ARHGAP25: variants seen among roughly 807,000 people sequenced by gnomAD.
ARHGAP25 encodes the protein Rho GTPase activating protein 25.
ARHGAP25 carries 34 observed loss-of-function variants against 71.0 expected under a neutral mutation model. That is an observed-to-expected ratio of 0.48 (90% CI 0.36 to 0.64). ARHGAP25 has a LOEUF of 0.64. ARHGAP25 is among the 30% of genes least tolerant of loss of function. ARHGAP25 has a pLI of 0.00. For synonymous variants in ARHGAP25, 282 were observed against 296.5 expected (o/e 0.95, Z 0.50); for missense variants, 706 against 805.1 (o/e 0.88, Z 1.49).
chr2:68,729,572 A>G (rs573322263), intron 2 of ARHGAP25, among the ~76,000 whole-genome samples: 21 of 152,346 alleles, frequency 1.4e-4, no homozygotes, highest in African/African-American at 4.3e-4. Context: ...TAGTTCCACT[A>G]TTTAATAAAA....
At chr2:68,716,156 G>A (rs1012774272) in intron 2 of ARHGAP25, among the ~76,000 whole-genome samples, 8 of 152,118 alleles carry the variant, frequency 5.3e-5, no homozygotes, top group African/African-American at 7.2e-5. Context: ...TCCTGTGCCC[G>A]CCATTCTTCC....
In ARHGAP25 at chr2:68,816,353, A is replaced by G. The variant is rs775739048; in HGVS notation, c.872A>G (p.Tyr291Cys). 6.2e-7 allele frequency: 1 copy of G among 1,612,874 alleles called. No homozygotes were observed. The highest frequency in any genetic ancestry group is 8.5e-7 in the Non-Finnish European group (1 of 1,178,900). ...LPRDNYSLLS[Y>C]ICRFLHEIQL... ...CGTGACAACTATAGTCTCCTGAGCT[A>G]CATCTGCAGGTGAGAGGCCCCTGGT... Residue 291 changes from tyrosine (Y) to cysteine (C), a missense_variant, in exon 7 of 11, where the codon TAC becomes TGC. Physicochemically the swap from Tyr to Cys is radical, Grantham distance 194 (BLOSUM62 -2). Transcript: ENST00000409202.
At chr2:68,748,112 G>C (rs4396758) in intron 1 of ARHGAP25, among the ~76,000 whole-genome samples, 138,880 of 152,210 alleles carry the variant, frequency 0.91, 63,528 homozygotes, top group African/African-American at 0.95. Flanking sequence ...CTTCCCCTCT[G>C]TCTCCACCCA....
chr2:68,718,071 C>T (rs1674661119), intron 2 of ARHGAP25, among the ~76,000 whole-genome samples: 2 of 151,728 alleles, frequency 1.3e-5, no homozygotes, highest in Admixed American at 6.6e-5. Context: ...GAACACTCAG[C>T]AGCTACTATG....
intron 1 of ARHGAP25, chr2:68,774,945 A>G (rs2104373000): frequency 7.1e-7 from 1 of 1,413,610 alleles, no homozygotes; most frequent in Non-Finnish European, 9.2e-7. Context: ...TTGCAGAATG[A>G]CGGGGCCCGC....
intron 1 of ARHGAP25, among the ~76,000 whole-genome samples, chr2:68,746,709 C>CCG (rs531509898): frequency 6.2e-5 from 9 of 145,852 alleles, no homozygotes; most frequent in Non-Finnish European, 1.0e-4. Context: ...GACCACCCCC[C>CCG]TCCCCATCCC....
chr2:68,730,901 C>T (rs570202749), upstream of ARHGAP25, among the ~76,000 whole-genome samples: 47 of 152,220 alleles, frequency 3.1e-4, 1 homozygote, highest in East Asian at 2.3e-3. Context: ...TCTCATGGGT[C>T]GCCTTTCCTG....
At chr2:68,761,140 A>G (rs1676789797) in intron 1 of ARHGAP25, among the ~76,000 whole-genome samples, 2 of 152,040 alleles carry the variant, frequency 1.3e-5, no homozygotes, top group African/African-American at 2.4e-5. Context: ...TAATGGGGAA[A>G]AGATTGTCTT....
intron 1 of ARHGAP25, among the ~76,000 whole-genome samples, chr2:68,770,480 A>G (rs1219828088): frequency 2.0e-5 from 3 of 152,222 alleles, no homozygotes; most frequent in Non-Finnish European, 4.4e-5. Flanking sequence ...CTGAGTCAGA[A>G]TTGAGAGCAG....
At chr2:68,786,662 A>G (rs1227191262) in intron 3 of ARHGAP25, among the ~76,000 whole-genome samples, 1 of 152,182 alleles carries the variant, frequency 6.6e-6, no homozygotes, top group African/African-American at 2.4e-5. Flanking sequence ...GACAAGATGG[A>G]GTCAGAATCA....
rs551140160 is a variant in ARHGAP25, at chr2:68,794,078, C to T, written c.466+6122C>T. Among the ~76,000 whole-genome samples, 130 of 152,136 alleles carry T rather than the reference C, an allele frequency of 8.5e-4. No individual in the cohort carries two copies. In the Middle Eastern group the frequency reaches 0.014, roughly 16 times the overall value. ...GATTTTGTTTTCAGCTAGATCGTTA[C>T]TGGTGTATAGAAATGCTACTGATTT... On this transcript the variant is annotated intron_variant, in intron 4 of 10. Transcript: ENST00000409202.
In ARHGAP25 at chr2:68,819,140, A is replaced by C. The variant is rs1280376283; in HGVS notation, c.1021A>C (p.Arg341=). 8 of 1,566,464 alleles carry C rather than the reference A, an allele frequency of 5.1e-6. No individual in the cohort carries two copies. The highest frequency in any genetic ancestry group is 1.2e-5 in the South Asian group (1 of 84,186). The change falls in exon 9 of 11, where the codon AGA becomes CGA. Residue 341 remains arginine (R), a synonymous_variant. Transcript: ENST00000409202. The part of the protein sequence containing the change: ...VIMRGTPQIQ[R]VMTMMIRDHE... ...TCTTTCAGGGACTCCTCAGATCCAA[A>C]GAGTGATGACTATGATGATCAGAGA...
At chr2:68,792,269 T>G (rs984199430) in intron 4 of ARHGAP25, among the ~76,000 whole-genome samples, 3 of 152,216 alleles carry the variant, frequency 2.0e-5, no homozygotes, top group African/African-American at 4.8e-5. Context: ...ATTATTATTA[T>G]TAGTATAAAT....
intron 2 of ARHGAP25, among the ~76,000 whole-genome samples, chr2:68,712,409 C>T (rs1177206396): frequency 8.5e-5 from 13 of 152,088 alleles, no homozygotes; most frequent in African/African-American, 1.2e-4. Flanking sequence ...TGGATATTAG[C>T]CCTTTGTCAG....
At chr2:68,765,927 T>C (rs185844207) in intron 1 of ARHGAP25, among the ~76,000 whole-genome samples, 6 of 152,354 alleles carry the variant, frequency 3.9e-5, no homozygotes, top group Admixed American at 3.3e-4. Flanking sequence ...TAGGCTGTAA[T>C]GGCTTGTAGC....
At chr2:68,761,761 T>C (rs1158049048) in intron 1 of ARHGAP25, among the ~76,000 whole-genome samples, 3 of 152,142 alleles carry the variant, frequency 2.0e-5, no homozygotes, top group African/African-American at 7.2e-5. Context: ...GTGGAGATAT[T>C]GAAACCCTTT....
At chr2:68,731,990 G>A (rs1323070227), upstream of ARHGAP25, among the ~76,000 whole-genome samples, 1 of 152,180 alleles carries the variant, frequency 6.6e-6, no homozygotes, top group Non-Finnish European at 1.5e-5. Flanking sequence ...CCAATGTCCA[G>A]CAAAAATTTG....
In ARHGAP25 at chr2:68,822,384, C is replaced by G; in HGVS notation, c.1245C>G (p.Ser415Arg). The G allele has an allele frequency of 6.2e-7, 1 of 1,614,068 alleles. No individual in the cohort carries two copies. Among genetic ancestry groups the G allele is most frequent in the Non-Finnish European group, 8.5e-7 (1 of 1,180,006 alleles). The change falls in exon 10 of 11, where the codon AGC (serine) becomes AGG (arginine). Residue 415 changes from serine (S) to arginine (R), a missense_variant. Transcript: ENST00000409202. The part of the protein sequence containing the change: ...DTTSPTGQQP[S>R]DAFPEDSSKV... The stretch of plus-strand genomic sequence containing the variant: ...CCAGCCCCACCGGACAGCAGCCGAG[C>G]GATGCGTTTCCGGAGGACAGCAGCA...
At chr2:68,765,918 A>G (rs973646666) in intron 1 of ARHGAP25, among the ~76,000 whole-genome samples, 1 of 152,202 alleles carries the variant, frequency 6.6e-6, no homozygotes. Context: ...GACGTCTGTT[A>G]GGCTGTAATG....
Sources: allele counts gnomAD v4.1 joint callset (sites outside exome capture counted in the v4.1 genomes callset), GRCh38; gene constraint gnomAD v4.1.1; transcripts MANE v1.5; gene names NCBI Gene and HGNC (gene_info 2026-07-23, HGNC 2026-07-21).